Variants in CACNA2D3 observed in about 807,000 individuals in gnomAD.
CACNA2D3 encodes the protein calcium voltage-gated channel auxiliary subunit alpha2delta 3.
CACNA2D3 carries 60 observed loss-of-function variants against 160.6 expected under a neutral mutation model. The observed-to-expected ratio is 0.37, with a 90% CI of 0.30 to 0.46. CACNA2D3 has a LOEUF of 0.46. CACNA2D3 is among the 20% of genes least tolerant of loss of function. The probability of loss-of-function intolerance (pLI) is 1.00; values close to 1 mark genes in which losing one functional copy is unlikely to be tolerated. For synonymous variants in CACNA2D3, 558 were observed against 492.9 expected (o/e 1.13, Z -1.75); for missense variants, 1,205 against 1,365.0 (o/e 0.88, Z 1.85).
At chr3:54,629,863 C>G (rs1185873803) in intron 10 of CACNA2D3, among the ~76,000 whole-genome samples, 1 of 152,126 alleles carries the variant, frequency 6.6e-6, no homozygotes, top group African/African-American at 2.4e-5. Flanking sequence ...TGGAAGTCTT[C>G]CCTGCAGTGA....
intron 9 of CACNA2D3, among the ~76,000 whole-genome samples, chr3:54,618,381 A>ACACACT (rs1698908406): frequency 7.1e-6 from 1 of 140,230 alleles, no homozygotes; most frequent in Non-Finnish European, 1.6e-5. Context: ...ATATGCACAC[A>ACACACT]CACACACACA....
At chr3:54,744,953 G>A (rs946772626) in intron 11 of CACNA2D3, among the ~76,000 whole-genome samples, 6 of 152,230 alleles carry the variant, frequency 3.9e-5, no homozygotes, top group Admixed American at 1.3e-4. Context: ...AAGCCAGTAA[G>A]TGTAGCATTG....
At chr3:54,221,783 G>A (rs1169721216) in intron 2 of CACNA2D3, among the ~76,000 whole-genome samples, 1 of 151,928 alleles carries the variant, frequency 6.6e-6, no homozygotes, top group Non-Finnish European at 1.5e-5. Flanking sequence ...TATGCAAATA[G>A]TTGATACATT....
At chr3:54,855,114 G>A (rs1699140166) in intron 17 of CACNA2D3, among the ~76,000 whole-genome samples, 1 of 152,132 alleles carries the variant, frequency 6.6e-6, no homozygotes, top group Admixed American at 6.5e-5. Context: ...GCCCTAGGAT[G>A]CCCACCTGTA....
At chr3:54,915,728 T>C (rs4955907) in intron 27 of CACNA2D3, among the ~76,000 whole-genome samples, 78,965 of 152,058 alleles carry the variant, frequency 0.52, 21,190 homozygotes, top group East Asian at 0.77. Context: ...GATTTATATT[T>C]TTTTCTGTGC....
intron 4 of CACNA2D3, among the ~76,000 whole-genome samples, chr3:54,429,764 TC>T (rs1290508794): frequency 6.6e-6 from 1 of 152,214 alleles, no homozygotes; most frequent in East Asian, 1.9e-4. Flanking sequence ...CACAGATTTT[TC>T]TCGGATGTTG....
chr3:55,007,687 ATC>A (rs1444412020), intron 32 of CACNA2D3, 101 bp from the exon 33 acceptor site: 4 of 711,262 alleles, frequency 5.6e-6, no homozygotes, highest in Non-Finnish European at 6.9e-6. Context: ...CATGATATCA[ATC>A]TCTCTAGAAG....
chr3:54,938,021 A>C (rs1250797652), intron 27 of CACNA2D3, among the ~76,000 whole-genome samples: 1 of 152,214 alleles, frequency 6.6e-6, no homozygotes, highest in Non-Finnish European at 1.5e-5. Flanking sequence ...GGAGGTAAAG[A>C]GGATGTTGAT....
intron 4 of CACNA2D3, among the ~76,000 whole-genome samples, chr3:54,457,619 G>A: frequency 6.6e-6 from 1 of 151,856 alleles, no homozygotes; most frequent in East Asian, 1.9e-4. Context: ...TTGATTTTCT[G>A]TATAGATGAT....
chr3:54,192,105 C>CTT (rs1168605044), intron 2 of CACNA2D3, among the ~76,000 whole-genome samples: 7 of 138,982 alleles, frequency 5.0e-5, no homozygotes, highest in Non-Finnish European at 7.9e-5. Context: ...GGATGCAGTG[C>CTT]TTTTTTTTTT....
chr3:54,406,901 G>GTA (rs1037338265), intron 4 of CACNA2D3, among the ~76,000 whole-genome samples: 14 of 151,798 alleles, frequency 9.2e-5, no homozygotes, highest in East Asian at 1.9e-4. Context: ...CCATTTTACT[G>GTA]TATATATATA....
chr3:54,818,874 T>C (rs762600665), intron 14 of CACNA2D3, among the ~76,000 whole-genome samples: 4 of 152,174 alleles, frequency 2.6e-5, no homozygotes, highest in Non-Finnish European at 5.9e-5. Context: ...TTCAGAACAC[T>C]TTGGGGGTAG....
chr3:54,255,672 A>G (rs1702278191), intron 2 of CACNA2D3, among the ~76,000 whole-genome samples: 1 of 152,070 alleles, frequency 6.6e-6, no homozygotes, highest in South Asian at 2.1e-4. Flanking sequence ...GGGCCTTTGT[A>G]TTCCAGAACC....
At chr3:54,807,550 A>G (rs1423471107) in intron 13 of CACNA2D3, among the ~76,000 whole-genome samples, 2 of 152,034 alleles carry the variant, frequency 1.3e-5, no homozygotes, top group Non-Finnish European at 2.9e-5. Context: ...AAAAGTCAGG[A>G]AACAACAGGT....
intron 9 of CACNA2D3, among the ~76,000 whole-genome samples, chr3:54,597,093 T>G (rs1420716242): frequency 2.0e-5 from 3 of 152,174 alleles, no homozygotes; most frequent in Non-Finnish European, 2.9e-5. Flanking sequence ...AGCCAATCAG[T>G]CTCCTGGCCA....
chr3:54,277,142 G>A lies in CACNA2D3; in HGVS notation c.205-43300G>A, dbSNP rs146208383. 6.5e-3 allele frequency among the ~76,000 whole-genome samples: 995 copies of A among 152,322 alleles called. 6 individuals are homozygous for A. Among genetic ancestry groups the A allele is most frequent in the Non-Finnish European group, 0.012 (813 of 68,022 alleles). Reference sequence around the variant, plus strand: ...GAGGCCCCCACACGCTGCCCTGCAGGACTGGGTTGCTGCCATTCACATGAA... The same window carrying A: ...GAGGCCCCCACACGCTGCCCTGCAGAACTGGGTTGCTGCCATTCACATGAA... On this transcript the variant is annotated intron_variant, in intron 2 of 37. Coordinates refer to ENST00000474759, the MANE Select transcript of CACNA2D3 (RefSeq NM_018398.3).
intron 2 of CACNA2D3, among the ~76,000 whole-genome samples, chr3:54,158,999 C>T (rs1700293845): frequency 6.6e-6 from 1 of 152,208 alleles, no homozygotes; most frequent in Admixed American, 6.5e-5. Flanking sequence ...CTAAGAGTCA[C>T]GTGTCTGTTC....
chr3:54,740,225 C>T (rs940105548), intron 11 of CACNA2D3, among the ~76,000 whole-genome samples: 27 of 152,088 alleles, frequency 1.8e-4, no homozygotes, highest in Admixed American at 3.3e-4. Flanking sequence ...GACAGCCGTA[C>T]AAATCACTGT....
At chr3:54,661,754 GT>G (rs772592065) in intron 11 of CACNA2D3, among the ~76,000 whole-genome samples, 14 of 151,992 alleles carry the variant, frequency 9.2e-5, no homozygotes, top group Admixed American at 3.9e-4. Context: ...ACCAGAGGTG[GT>G]AAAAGGCTGA....
Sources: allele counts gnomAD v4.1 joint callset (sites outside exome capture counted in the v4.1 genomes callset), GRCh38; gene constraint gnomAD v4.1.1; transcripts MANE v1.5; gene names NCBI Gene and HGNC (gene_info 2026-07-23, HGNC 2026-07-21).